KIAA2012: variants seen among roughly 807,000 people sequenced by gnomAD.
The protein encoded by KIAA2012 is KIAA2012, also known as uncharacterized protein KIAA2012.
In KIAA2012, 125 loss-of-function variants were observed where a neutral mutation model predicts 150.6. That is an observed-to-expected ratio of 0.83 (90% CI 0.72 to 0.96). KIAA2012 has a LOEUF of 0.96. Among genes scored for constraint, KIAA2012 ranks in the 40% least tolerant of loss-of-function variants. The pLI, the probability that KIAA2012 is intolerant of heterozygous loss-of-function variation, is 0.00. For missense variants in KIAA2012, 1,219 were observed against 1,354.9 expected (o/e 0.90, Z 1.57); for synonymous variants, 462 against 504.7 (o/e 0.92, Z 1.13).
chr2:202,117,011 G>C (rs937020205), intron 11 of KIAA2012: 1 of 152,196 alleles, frequency 6.6e-6, no homozygotes, highest in Non-Finnish European at 1.5e-5. Flanking sequence ...GGCTTGTGTG[G>C]GAGTTGCCTT....
At chr2:202,159,951 A>G (rs1473279621) in intron 14 of KIAA2012, among the ~76,000 whole-genome samples, 2 of 152,226 alleles carry the variant, frequency 1.3e-5, no homozygotes, top group Admixed American at 1.3e-4. Flanking sequence ...AAAGGACTCA[A>G]TTCATAAGGG....
At chr2:202,160,049 T>C (rs1691615720) in intron 14 of KIAA2012, among the ~76,000 whole-genome samples, 1 of 152,118 alleles carries the variant, frequency 6.6e-6, no homozygotes, top group Non-Finnish European at 1.5e-5. Context: ...TTCCCAGTAA[T>C]TGTGCTGATC....
Position 202,100,450 on chromosome 2 carries a change from G to T in KIAA2012, c.1155+1G>T, listed in dbSNP as rs765097395. On this transcript the variant is annotated splice_donor_variant, in intron 7 of 23. Coordinates refer to ENST00000498697, the MANE Select transcript of KIAA2012 (RefSeq NM_001277372.4). LOFTEE classifies it high-confidence loss of function. ...CCCTGGGGAAGTGAAGAAGAAAAAGGTTGTGTGTATATGTATGTTTGTGCA... is the reference window on the plus strand; with the variant it reads ...CCCTGGGGAAGTGAAGAAGAAAAAGTTTGTGTGTATATGTATGTTTGTGCA... 1 of 1,550,126 alleles carries T rather than the reference G, an allele frequency of 6.5e-7. No individual in the cohort carries two copies. The highest frequency in any genetic ancestry group is 8.7e-7 in the Non-Finnish European group (1 of 1,146,690).
chr2:202,200,120 G>A (rs1217278285), intron 22 of KIAA2012, among the ~76,000 whole-genome samples: 1 of 151,286 alleles, frequency 6.6e-6, no homozygotes. Context: ...TAGTAGAGAC[G>A]GGGGGTTTCA....
intron 5 of KIAA2012, among the ~76,000 whole-genome samples, chr2:202,098,763 T>C: frequency 6.6e-6 from 1 of 151,116 alleles, no homozygotes; most frequent in Admixed American, 6.6e-5. Flanking sequence ...AGTTACAATG[T>C]AGAAACACTT....
At chr2:202,179,205 A>T (rs1026484388) in intron 15 of KIAA2012, 2 of 618,938 alleles carry the variant, frequency 3.2e-6, no homozygotes, top group African/African-American at 3.7e-5. Flanking sequence ...ATCTGATTCA[A>T]ATTGGTACAA....
At chr2:202,191,407 C>T (rs1692326027) in intron 19 of KIAA2012, among the ~76,000 whole-genome samples, 1 of 151,776 alleles carries the variant, frequency 6.6e-6, no homozygotes, top group African/African-American at 2.4e-5. Flanking sequence ...CGGCCGGATG[C>T]AGTGGCGCAT....
chr2:202,178,840 T>G (rs138768214), intron 15 of KIAA2012: 5 of 195,652 alleles, frequency 2.6e-5, no homozygotes, highest in Admixed American at 5.6e-5. Flanking sequence ...AGTGGACACC[T>G]CCCTGAACCT....
intron 16 of KIAA2012, among the ~76,000 whole-genome samples, chr2:202,185,912 C>T (rs1201608668): frequency 6.6e-6 from 1 of 152,102 alleles, no homozygotes; most frequent in Non-Finnish European, 1.5e-5. Flanking sequence ...AAATTCCATT[C>T]ACCTCATTCA....
At chr2:202,114,934 T>C (rs1424205821) in intron 11 of KIAA2012, 3 of 167,514 alleles carry the variant, frequency 1.8e-5, no homozygotes, top group African/African-American at 7.2e-5. Flanking sequence ...CTGACCTTTC[T>C]CAAGCCTTTC....
At chr2:202,157,215 C>T (rs1691546885) in intron 14 of KIAA2012, among the ~76,000 whole-genome samples, 2 of 152,196 alleles carry the variant, frequency 1.3e-5, no homozygotes, top group African/African-American at 4.8e-5. Context: ...CTAGATAGAC[C>T]TTCTCCTTAT....
At chr2:202,198,467 C>T (rs554695991) in intron 22 of KIAA2012, among the ~76,000 whole-genome samples, 1 of 152,242 alleles carries the variant, frequency 6.6e-6, no homozygotes, top group Admixed American at 6.5e-5. Context: ...GGCCCCAAGA[C>T]CAGATCTAAC....
intron 13 of KIAA2012, among the ~76,000 whole-genome samples, chr2:202,143,075 A>ATTTTTTTTTTTTTTTTTTTTTTTT (rs59488285): frequency 8.0e-6 from 1 of 124,988 alleles, no homozygotes; most frequent in South Asian, 2.5e-4. Context: ...CACTGGTTTA[A>ATTTTTTTTTTTTTTTTTTTTTTTT]TTTTTTTTTT....
intron 12 of KIAA2012, among the ~76,000 whole-genome samples, chr2:202,134,253 C>T (rs1241094376): frequency 1.3e-5 from 2 of 152,168 alleles, no homozygotes; most frequent in African/African-American, 2.4e-5. Flanking sequence ...GGTGTGCATG[C>T]CTCAGAAATG....
intron 14 of KIAA2012, among the ~76,000 whole-genome samples, chr2:202,163,937 A>C (rs972945019): frequency 1.3e-5 from 2 of 152,134 alleles, no homozygotes; most frequent in African/African-American, 4.8e-5. Flanking sequence ...ACAAGTGAGA[A>C]ACAAACACAC....
At chr2:202,097,688 C>A in intron 5 of KIAA2012, 111 bp downstream of exon 5, 1 of 1,232,124 alleles carries the variant, frequency 8.1e-7, no homozygotes, top group South Asian at 1.5e-5. Flanking sequence ...CTCCTGGGTT[C>A]AAGCATTTCT....
chr2:202,141,275 C>T (rs1691192153), intron 13 of KIAA2012, among the ~76,000 whole-genome samples: 1 of 151,900 alleles, frequency 6.6e-6, no homozygotes, highest in Non-Finnish European at 1.5e-5. Context: ...GCACCCCTTC[C>T]ACACCTGACC....
chr2:202,181,729 C>T (rs1353821813), intron 15 of KIAA2012, among the ~76,000 whole-genome samples: 1 of 152,016 alleles, frequency 6.6e-6, no homozygotes, highest in Non-Finnish European at 1.5e-5. Flanking sequence ...AAAATATTTG[C>T]AGTAGTTGTA....
chr2:202,127,011 C>G (rs1350331931), intron 12 of KIAA2012, among the ~76,000 whole-genome samples: 1 of 152,010 alleles, frequency 6.6e-6, no homozygotes, highest in Admixed American at 6.6e-5. Flanking sequence ...CCTCCGTTTC[C>G]CCCTCCAATT....
Sources: gnomAD v4.1 joint callset for allele counts (sites outside exome capture counted in the v4.1 genomes callset) on GRCh38, gnomAD v4.1.1 for gene constraint, MANE v1.5 for transcripts, NCBI Gene and HGNC (gene_info 2026-07-23, HGNC 2026-07-21) for gene names.